Variants in NEB observed in about 807,000 individuals in gnomAD.
The protein encoded by NEB is nemaline myopathy type 2.
NEB carries 512 observed loss-of-function variants against 952.2 expected under a neutral mutation model. That is an observed-to-expected ratio of 0.54 (90% CI 0.50 to 0.58). NEB has a LOEUF of 0.58. Among genes scored for constraint, NEB ranks in the 20% least tolerant of loss-of-function variants. NEB has a pLI of 0.00. For missense variants in NEB, 8,428 were observed against 9,231.1 expected (o/e 0.91, Z 3.56); for synonymous variants, 2,900 against 3,149.8 (o/e 0.92, Z 2.66).
intron 110 of NEB, 22 bp downstream of exon 110, chr2:151,569,246 T>C: frequency 6.3e-7 from 1 of 1,593,890 alleles, no homozygotes; most frequent in Non-Finnish European, 8.6e-7. Flanking sequence ...GTACTGAATG[T>C]CAGGGTAAAA....
Position 151,524,498 on chromosome 2 carries a change from T to A in NEB, c.22374+17A>T. The A allele has an allele frequency of 6.2e-7, 1 of 1,613,700 alleles. No homozygotes were observed. Among genetic ancestry groups the A allele is most frequent in the Non-Finnish European group, 8.5e-7 (1 of 1,179,702 alleles). ...AATGGCTGTTGGGGACTGGGGACAT[T>A]TTCATGACACCCTTACCTCACTGGC... On this transcript the variant is annotated intron_variant, in intron 152 of 181. Transcript: ENST00000397345.
intron 34 of NEB, 86 bp from the exon 35 acceptor site, chr2:151,675,477 A>C: frequency 1.2e-6 from 1 of 860,550 alleles, no homozygotes; most frequent in Non-Finnish European, 1.8e-6. Flanking sequence ...ACAATCACCC[A>C]TGATTTTCTA....
At chr2:151,555,074 A>G in intron 124 of NEB, 30 bp from the exon 125 acceptor site, 1 of 1,390,736 alleles carries the variant, frequency 7.2e-7, no homozygotes, top group Non-Finnish European at 1.0e-6. Flanking sequence ...AGGAAGAAAC[A>G]GTTTTAGAGA....
At chr2:151,673,826 C>T (rs1192132487) in intron 36 of NEB, among the ~76,000 whole-genome samples, 8 of 150,810 alleles carry the variant, frequency 5.3e-5, no homozygotes, top group South Asian at 2.1e-4. Context: ...CTCCGCCTCC[C>T]GGGTTCACGC....
Position 151,631,238 on chromosome 2 carries a change from T to A in NEB, c.9523A>T (p.Ile3175Phe). 1 of 1,613,962 alleles carries A rather than the reference T, an allele frequency of 6.2e-7. No homozygotes were observed. Among genetic ancestry groups the A allele is most frequent in the Non-Finnish European group, 8.5e-7 (1 of 1,179,870 alleles). ...AGCTTGTCCGGAGGCTGGCGGTAGA[T>A]GTTATCACTCAGTATTTCGGTAGCT... ...KRATEILSDN[I>F]YRQPPDKLKF... The change falls in exon 66 of 182, where the codon ATC becomes TTC. Residue 3175 changes from isoleucine to phenylalanine, a missense_variant. Ile to Phe is a conservative substitution (Grantham distance 21, BLOSUM62 0). Coordinates refer to ENST00000397345, the MANE Select transcript of NEB (RefSeq NM_001164508.2).
intron 173 of NEB, among the ~76,000 whole-genome samples, chr2:151,495,773 C>T (rs1047421406): frequency 1.3e-5 from 2 of 152,098 alleles, no homozygotes; most frequent in African/African-American, 4.8e-5. Flanking sequence ...ATTGCCAAAA[C>T]TACTATTGGA....
rs770931900 is a variant in NEB, at chr2:151,710,413, A to C, written c.927+21T>G. On this transcript the variant is annotated intron_variant, in intron 11 of 181. Transcript: ENST00000397345. ...GGTCTCCCTCCCAGGATGACCAACCAGCCATCCCTTCCCACTTAACTGTGC... is the reference window on the plus strand; with the variant it reads ...GGTCTCCCTCCCAGGATGACCAACCCGCCATCCCTTCCCACTTAACTGTGC... The C allele has an allele frequency of 1.9e-6, 3 of 1,540,540 alleles. No individual in the cohort carries two copies. The African/African-American group carries it at 4.1e-5, about 21-fold the overall frequency.
chr2:151,698,171 G>A (rs2099611060), intron 13 of NEB, among the ~76,000 whole-genome samples: 1 of 152,102 alleles, frequency 6.6e-6, no homozygotes, highest in South Asian at 2.1e-4. Flanking sequence ...TTATTATAAG[G>A]CCTAAGTTTC....
At chr2:151,581,631 G>C in intron 102 of NEB, 44 bp from the exon 103 acceptor site, 2 of 1,344,860 alleles carry the variant, frequency 1.5e-6, no homozygotes, top group Non-Finnish European at 2.1e-6. Context: ...TAGTAAATAA[G>C]TCAATTACCA....
intron 63 of NEB, among the ~76,000 whole-genome samples, chr2:151,638,833 GTGTGT>G: frequency 6.6e-6 from 1 of 152,120 alleles, no homozygotes; most frequent in Non-Finnish European, 1.5e-5. Flanking sequence ...GTGTGTGTGT[GTGTGT>G]GGGTTACCTG....
Position 151,677,869 on chromosome 2 carries a change from CA to C in NEB, c.3567+6del. 6.2e-7 allele frequency: 1 copy of C among 1,606,756 alleles called. No homozygotes were observed. Among genetic ancestry groups the C allele is most frequent in the Non-Finnish European group, 8.5e-7 (1 of 1,175,568 alleles). On this transcript the variant is annotated splice_donor_region_variant and intron_variant, in intron 33 of 181. Coordinates refer to ENST00000397345, the MANE Select transcript of NEB (RefSeq NM_001164508.2). Reference sequence around the variant, plus strand: ...GGGGGGTTTCTTGAGAAGTAAATGACACTTACATCACTCTGTATCTGCATCA... The same window carrying C: ...GGGGGGTTTCTTGAGAAGTAAATGACCTTACATCACTCTGTATCTGCATCA...
At chr2:151,515,636 TCA>T (rs1240306819) in intron 157 of NEB, among the ~76,000 whole-genome samples, 1 of 152,216 alleles carries the variant, frequency 6.6e-6, no homozygotes, top group Non-Finnish European at 1.5e-5. Flanking sequence ...CTTAGCTGAC[TCA>T]CAGAGGGGCT....
Position 151,551,628 on chromosome 2 carries a change from T to C in NEB, c.19944+110A>G, listed in dbSNP as rs139390050. On this transcript the variant is annotated intron_variant, in intron 129 of 181. Transcript: ENST00000397345. ...TTTTTGTTTTTTCACCTCATGTGAA[T>C]AGAACAGCATTTATACAAGGTCAGG... The C allele has an allele frequency of 4.0e-4, 324 of 805,308 alleles. No homozygotes were observed. In the African/African-American group the frequency reaches 4.6e-3, roughly 12 times the overall value. The allele number at this position is 805,308 out of a possible 1,614,324, so 49.9% of individuals were successfully genotyped here. A position where few individuals can be genotyped will look rare whatever the true frequency, so the allele number is the denominator to read the frequency against.
chr2:151,547,694 A>G lies in NEB; in HGVS notation c.20202T>C (p.His6734=), dbSNP rs1405103869. Residue 6734 remains histidine, a synonymous_variant, in exon 132 of 182, where the codon CAT becomes CAC. Transcript: ENST00000397345. The stretch of plus-strand genomic sequence containing the variant: ...GGATCTCAGGGGTATCGGGAGTTGT[A>G]TGGATCTTGTCTTTCAGTTTGTGGT... ...ELYHKLKDKI[H]TTPDTPEIRQ... 1 of 1,613,666 alleles carries G rather than the reference A, an allele frequency of 6.2e-7. No homozygotes were observed. Among genetic ancestry groups the G allele is most frequent in the Non-Finnish European group, 8.5e-7 (1 of 1,179,796 alleles).
In NEB at chr2:151,555,133, C is replaced by T. The variant is rs562182655; in HGVS notation, c.19315-89G>A. On this transcript the variant is annotated intron_variant, in intron 124 of 181. Transcript: ENST00000397345. ...CAGCATAAGACTTAATGGGAAAAAC[C>T]CGACTCTGAGATCCACCCAGCGTTG... The T allele has an allele frequency of 1.8e-4, 164 of 908,918 alleles. 3 individuals are homozygous for T. In the South Asian group the frequency reaches 2.3e-3, roughly 13 times the overall value. 56.3% of individuals were successfully genotyped at this position (908,918 alleles called of 1,614,324 possible). A position where few individuals can be genotyped will look rare whatever the true frequency, so the allele number is the denominator to read the frequency against.
intron 13 of NEB, among the ~76,000 whole-genome samples, chr2:151,704,037 T>C (rs1411156210): frequency 5.2e-5 from 5 of 95,486 alleles, no homozygotes; most frequent in South Asian, 8.8e-4. Flanking sequence ...GATGGGTTTT[T>C]GGTGTGGATG....
intron 45 of NEB, among the ~76,000 whole-genome samples, chr2:151,662,803 A>T (rs1389732177): frequency 6.6e-6 from 1 of 152,164 alleles, no homozygotes; most frequent in African/African-American, 2.4e-5. Flanking sequence ...TCCCTCAGGT[A>T]TGCCAGAAAC....
chr2:151,493,015 G>A (rs2057772093), intron 176 of NEB: 1 of 254,348 alleles, frequency 3.9e-6, no homozygotes, highest in Non-Finnish European at 7.6e-6. Context: ...AACTAAAGGA[G>A]AGCAGAAGAT....
At chr2:151,567,113 C>T (rs2096440127) in intron 114 of NEB, 55 bp downstream of exon 114, 1 of 1,421,506 alleles carries the variant, frequency 7.0e-7, no homozygotes, top group Non-Finnish European at 9.5e-7. Flanking sequence ...TGTTGCTCAT[C>T]ATTCTCAGAG....
Sources: gnomAD v4.1 joint callset for allele counts (sites outside exome capture counted in the v4.1 genomes callset) on GRCh38, gnomAD v4.1.1 for gene constraint, MANE v1.5 for transcripts, NCBI Gene and HGNC (gene_info 2026-07-23, HGNC 2026-07-21) for gene names.